Variants in LARGE1 observed in about 807,000 individuals in gnomAD.
LARGE1 encodes LARGE xylosyl- and glucuronyltransferase 1.
A neutral mutation model predicts 87.6 loss-of-function variants in LARGE1; 43 were observed. The observed-to-expected ratio is 0.49, with a 90% CI of 0.38 to 0.63. The LOEUF is 0.63. Among genes scored for constraint, LARGE1 ranks in the 30% least tolerant of loss-of-function variants. The pLI is 0.00. For missense variants in LARGE1, 802 were observed against 1,000.2 expected, an observed-to-expected ratio of 0.80 and a Z score of 2.67; for synonymous variants, 434 against 394.6, an observed-to-expected ratio of 1.10 and a Z score of -1.18.
chr22:33,277,930 G>A (rs913442819), intron 13 of LARGE1, among the ~76,000 whole-genome samples: 1 of 152,100 alleles, frequency 6.6e-6, no homozygotes, highest in Admixed American at 6.5e-5. Context: ...ACTGTGGTAG[G>A]AGTATCAGAC....
the LARGE1 span, among the ~76,000 whole-genome samples, chr22:33,120,395 T>TTTC: frequency 1.0e-5 from 1 of 97,924 alleles, no homozygotes; most frequent in East Asian, 2.4e-4. Context: ...TCTTTCTTTC[T>TTTC]TTCTTTCTTT....
Position 33,455,670 on chromosome 22 carries a change from C to T in LARGE1, c.788-23405G>A, listed in dbSNP as rs1296461509. ...TCGGGAGGCTGAGGCAGGAGAATCG[C>T]TTGAACCCAGGAGGCGGAGGTTGCA... On this transcript the variant is annotated intron_variant, in intron 6 of 14. Transcript: ENST00000397394. 2.7e-5 allele frequency among the ~76,000 whole-genome samples: 4 copies of T among 145,478 alleles called. No homozygotes were observed. The East Asian group carries it at 8.3e-4, about 30-fold the overall frequency.
chr22:33,868,568 C>G (rs1294259006), intron 1 of LARGE1, among the ~76,000 whole-genome samples: 1 of 152,160 alleles, frequency 6.6e-6, no homozygotes, highest in Non-Finnish European at 1.5e-5. Context: ...ACACCATGAC[C>G]TCCTCTTGCC....
At chr22:33,672,059 G>A (rs1215061296) in intron 2 of LARGE1, among the ~76,000 whole-genome samples, 1 of 152,144 alleles carries the variant, frequency 6.6e-6, no homozygotes, top group Non-Finnish European at 1.5e-5. Flanking sequence ...TTATCAGGCA[G>A]TTCCAAAAGT....
chr22:33,765,565 C>G (rs2084874020), intron 1 of LARGE1, among the ~76,000 whole-genome samples: 1 of 151,702 alleles, frequency 6.6e-6, no homozygotes, highest in Non-Finnish European at 1.5e-5. Context: ...ATTAGCTGGG[C>G]ATGGTGGTGG....
At chr22:33,520,949 G>A (rs538936409) in intron 6 of LARGE1, among the ~76,000 whole-genome samples, 1 of 152,326 alleles carries the variant, frequency 6.6e-6, no homozygotes, top group South Asian at 2.1e-4. Flanking sequence ...ATTTGATTGT[G>A]TTGTTTACAT....
At chr22:33,805,005 ACTGAACTC>A (rs2086265550) in intron 1 of LARGE1, among the ~76,000 whole-genome samples, 1 of 152,182 alleles carries the variant, frequency 6.6e-6, no homozygotes, top group Admixed American at 6.5e-5. Flanking sequence ...TAAGACTGAA[ACTGAACTC>A]CTAATGTTCT....
chr22:33,263,113 C>T (rs530514142), intron 11 of LARGE1, among the ~76,000 whole-genome samples: 6 of 152,064 alleles, frequency 3.9e-5, no homozygotes, highest in Non-Finnish European at 5.9e-5. Context: ...AGGCTGGTCT[C>T]GAAAACTCCT....
At chr22:33,806,778 G>A (rs1407095743) in intron 1 of LARGE1, among the ~76,000 whole-genome samples, 2 of 152,118 alleles carry the variant, frequency 1.3e-5, no homozygotes, top group African/African-American at 2.4e-5. Context: ...TTGGGAGGCC[G>A]AGGCAGGCGG....
chr22:33,861,337 C>G (rs543827772), intron 1 of LARGE1, among the ~76,000 whole-genome samples: 3 of 152,204 alleles, frequency 2.0e-5, no homozygotes, highest in Admixed American at 1.3e-4. Flanking sequence ...GCAAAAGGAC[C>G]AAGCACTGCA....
At chr22:33,671,069 G>A (rs114398353) in intron 2 of LARGE1, among the ~76,000 whole-genome samples, 165 of 152,302 alleles carry the variant, frequency 1.1e-3, no homozygotes, top group African/African-American at 3.8e-3. Flanking sequence ...AGCCCTGGTC[G>A]AAGTGGGGAC....
At chr22:33,862,221 G>A (rs1428446263) in intron 1 of LARGE1, among the ~76,000 whole-genome samples, 2 of 152,132 alleles carry the variant, frequency 1.3e-5, no homozygotes, top group Non-Finnish European at 1.5e-5. Flanking sequence ...GGCAAGTGGT[G>A]AAGACAAGCT....
At chr22:33,489,634 G>A (rs907877985) in intron 6 of LARGE1, among the ~76,000 whole-genome samples, 2 of 152,046 alleles carry the variant, frequency 1.3e-5, no homozygotes, top group African/African-American at 2.4e-5. Context: ...CATGTAAGAT[G>A]TGCCTTTCCC....
At chr22:33,150,311 T>A in the LARGE1 span, among the ~76,000 whole-genome samples, 8 of 152,138 alleles carry the variant, frequency 5.3e-5, no homozygotes, top group African/African-American at 1.9e-4. Flanking sequence ...AATTTGAGAC[T>A]GATCTCCCAT....
intron 6 of LARGE1, among the ~76,000 whole-genome samples, chr22:33,487,267 A>C (rs1284102101): frequency 6.6e-6 from 1 of 152,222 alleles, no homozygotes; most frequent in Non-Finnish European, 1.5e-5. Flanking sequence ...GAGTCTATTC[A>C]AACTGGTGAG....
chr22:33,560,030 C>CT (rs2077808443), intron 6 of LARGE1, among the ~76,000 whole-genome samples: 1 of 152,152 alleles, frequency 6.6e-6, no homozygotes, highest in South Asian at 2.1e-4. Flanking sequence ...AATGATTTCT[C>CT]TTACTCCTCT....
chr22:33,912,098 T>G (rs868620528), intron 1 of LARGE1, among the ~76,000 whole-genome samples: 1 of 152,200 alleles, frequency 6.6e-6, no homozygotes, highest in Non-Finnish European at 1.5e-5. Context: ...ATGCCTCCCT[T>G]GGCTTCTGAA....
chr22:33,510,035 T>C (rs887103317), intron 6 of LARGE1, among the ~76,000 whole-genome samples: 1 of 152,118 alleles, frequency 6.6e-6, no homozygotes, highest in East Asian at 1.9e-4. Flanking sequence ...TAAAACCAAA[T>C]CAATATTCCA....
At chr22:33,325,472 T>C (rs1359897794) in intron 10 of LARGE1, among the ~76,000 whole-genome samples, 1 of 152,190 alleles carries the variant, frequency 6.6e-6, no homozygotes, top group Non-Finnish European at 1.5e-5. Flanking sequence ...TGGGGTTCTG[T>C]GGAGGGCAGA....
Sources: gnomAD v4.1 joint callset for allele counts (sites outside exome capture counted in the v4.1 genomes callset) on GRCh38, gnomAD v4.1.1 for gene constraint, MANE v1.5 for transcripts, NCBI Gene and HGNC (gene_info 2026-07-23, HGNC 2026-07-21) for gene names.